The following PRSS23 variants were observed in gnomAD, a reference collection of about 807,000 sequenced individuals.
PRSS23 encodes serine protease 23, also known as protease, serine 23.
PRSS23 carries 25 observed loss-of-function variants against 34.7 expected under a neutral mutation model. That is an observed-to-expected ratio of 0.72 (90% CI 0.53 to 1.01). The LOEUF is 1.01. Among genes scored for constraint, PRSS23 ranks in the 50% least tolerant of loss-of-function variants. The probability of loss-of-function intolerance (pLI) is 0.00; values close to 1 mark genes in which losing one functional copy is unlikely to be tolerated. For missense variants in PRSS23, 445 were observed against 475.6 expected, an observed-to-expected ratio of 0.94 and a Z score of 0.60; for synonymous variants, 176 against 186.6, an observed-to-expected ratio of 0.94 and a Z score of 0.46.
chr11:86,941,774 T>A (rs971630274), intron 2 of PRSS23, among the ~76,000 whole-genome samples: 2 of 152,204 alleles, frequency 1.3e-5, no homozygotes, highest in African/African-American at 4.8e-5. Flanking sequence ...AGAATTTTCT[T>A]GGGGGCTAGT....
intron 2 of PRSS23, among the ~76,000 whole-genome samples, chr11:86,848,949 A>G (rs748779382): frequency 6.6e-6 from 1 of 152,196 alleles, no homozygotes; most frequent in South Asian, 2.1e-4. Flanking sequence ...CTAGAAACAA[A>G]CTGCCCCCTC....
At chr11:86,821,662 T>G in intron 1 of PRSS23, 1 of 1,555,208 alleles carries the variant, frequency 6.4e-7, no homozygotes, top group Non-Finnish European at 8.8e-7. Context: ...AAGAATTTTG[T>G]CAATATTGGA....
At chr11:86,829,372 G>C (rs1948331493) in intron 2 of PRSS23, among the ~76,000 whole-genome samples, 1 of 151,994 alleles carries the variant, frequency 6.6e-6, no homozygotes, top group Non-Finnish European at 1.5e-5. Context: ...TCTCTGTATT[G>C]GTTATTCTAG....
chr11:86,899,906 C>A (rs1486796105), intron 2 of PRSS23, among the ~76,000 whole-genome samples: 1 of 150,382 alleles, frequency 6.6e-6, no homozygotes, highest in African/African-American at 2.4e-5. Context: ...ACATAAGTGA[C>A]AAGTGACACT....
At chr11:86,930,820 A>G (rs1949120126) in intron 2 of PRSS23, among the ~76,000 whole-genome samples, 1 of 143,224 alleles carries the variant, frequency 7.0e-6, no homozygotes, top group African/African-American at 2.5e-5. Flanking sequence ...GGCTGACCAG[A>G]AAAAGGGACC....
chr11:86,879,752 GC>G (rs1341718967), intron 2 of PRSS23, among the ~76,000 whole-genome samples: 1 of 125,688 alleles, frequency 8.0e-6, no homozygotes. Flanking sequence ...CCGGCCAGCC[GC>G]CCCGTCCGGG....
At chr11:86,939,423 T>TTTTTTTTTTTTAAAAAAA (rs1565392807) in intron 2 of PRSS23, among the ~76,000 whole-genome samples, 1 of 100,430 alleles carries the variant, frequency 1.0e-5, no homozygotes, top group Non-Finnish European at 2.2e-5. Flanking sequence ...TATATATATA[T>TTTTTTTTTTTTAAAAAAA]ATATTTTTTA....
In PRSS23 at chr11:86,939,057, G is replaced by A. The variant is rs1395542481; in HGVS notation, c.207-12159G>A. On this transcript the variant is annotated intron_variant, in intron 2 of 2. Transcript: ENST00000533902. The stretch of plus-strand genomic sequence containing the variant: ...TTCATCCATTCTTAAAATTGAGCCA[G>A]TTTAGCCCTAGGAGGTGGGCAGGCT... 1.1e-5 allele frequency: 5 copies of A among 450,784 alleles called. No homozygotes were observed. The Admixed American group carries it at 1.2e-4, about 11-fold the overall frequency. The allele number at this position is 450,784 out of a possible 1,614,324, so 27.9% of individuals were successfully genotyped here. A position where few individuals can be genotyped will look rare whatever the true frequency, so the allele number is the denominator to read the frequency against.
At chr11:86,791,351 G>A (rs1200885366) in intron 1 of PRSS23, among the ~76,000 whole-genome samples, 1 of 152,208 alleles carries the variant, frequency 6.6e-6, no homozygotes, top group Non-Finnish European at 1.5e-5. Context: ...TTATTCTTGT[G>A]GTTTCCCTAA....
intron 2 of PRSS23, among the ~76,000 whole-genome samples, chr11:86,867,851 A>C (rs1018507738): frequency 6.9e-6 from 1 of 144,358 alleles, no homozygotes; most frequent in Non-Finnish European, 1.5e-5. Flanking sequence ...CACTCCAGCC[A>C]GTGACAGAGT....
chr11:86,810,602 G>A lies in PRSS23; in HGVS notation c.*1807G>A, dbSNP rs1948167369. The stretch of plus-strand genomic sequence containing the variant: ...GTTTTGTTTGTTTTTGCTTTAGCTT[G>A]GTGAAAAAAAGTTCACTGAACACCA... On this transcript the variant is annotated 3_prime_UTR_variant, in exon 2 of 2. Transcript: ENST00000280258. 6.0e-6 allele frequency: 1 copy of A among 166,676 alleles called. No individual in the cohort carries two copies. The highest frequency in any genetic ancestry group is 2.4e-5 in the African/African-American group (1 of 41,350). 10.3% of individuals were successfully genotyped at this position (166,676 alleles called of 1,614,324 possible). A position where few individuals can be genotyped will look rare whatever the true frequency, so the allele number is the denominator to read the frequency against.
At position 86,925,295 on chromosome 11, in the gene PRSS23, A is replaced by AGTGTGT. The variant is rs5793226; in HGVS notation, c.207-25890_207-25885dup. Among the ~76,000 whole-genome samples the AGTGTGT allele has an allele frequency of 5.4e-3, 811 of 149,070 alleles. 10 individuals are homozygous for AGTGTGT. Among genetic ancestry groups the AGTGTGT allele is most frequent in the African/African-American group, 0.013 (539 of 40,456 alleles). On this transcript the variant is annotated intron_variant, in intron 2 of 2. Coordinates refer to the PRSS23 transcript ENST00000533902. The stretch of plus-strand genomic sequence containing the variant: ...CATTGAAAATTAACTGTTTAACTGG[A>AGTGTGT]GTGTGTGTGTGTGTGTGTGTGTGTG...
exon 3 of PRSS23, chr11:86,952,037 G>A: frequency 6.2e-7 from 1 of 1,614,080 alleles, no homozygotes; most frequent in Non-Finnish European, 8.5e-7. Flanking sequence ...GATCAGGAAG[G>A]TCAGTACTGT....
At chr11:86,859,081 G>A (rs1430055161) in intron 2 of PRSS23, among the ~76,000 whole-genome samples, 1 of 151,576 alleles carries the variant, frequency 6.6e-6, no homozygotes, top group Non-Finnish European at 1.5e-5. Flanking sequence ...AATGTCACAG[G>A]GACTGTACAT....
intron 2 of PRSS23, among the ~76,000 whole-genome samples, chr11:86,914,016 C>T (rs969351955): frequency 8.1e-6 from 1 of 123,170 alleles, no homozygotes. Flanking sequence ...ACCGGCCTGA[C>T]GAATGTGGTG....
At chr11:86,877,450 C>A (rs890554873) in intron 2 of PRSS23, among the ~76,000 whole-genome samples, 1 of 152,160 alleles carries the variant, frequency 6.6e-6, no homozygotes, top group African/African-American at 2.4e-5. Flanking sequence ...TCATTTTAAA[C>A]AGAATTTTTA....
chr11:86,840,639 C>G (rs868749731), intron 2 of PRSS23, among the ~76,000 whole-genome samples: 2 of 152,318 alleles, frequency 1.3e-5, no homozygotes, highest in Middle Eastern at 6.8e-3. Context: ...CTCTCTACCC[C>G]AAATCAACAG....
intron 2 of PRSS23, among the ~76,000 whole-genome samples, chr11:86,926,560 G>A (rs1286799656): frequency 2.6e-5 from 4 of 152,158 alleles, no homozygotes; most frequent in Admixed American, 6.6e-5. Flanking sequence ...CTTCATAAGA[G>A]AGACAAGGAG....
At chr11:86,847,423 G>A (rs1948495170) in intron 2 of PRSS23, among the ~76,000 whole-genome samples, 1 of 152,142 alleles carries the variant, frequency 6.6e-6, no homozygotes, top group African/African-American at 2.4e-5. Context: ...TGCATGGCAG[G>A]GGCAAGGGAA....
Sources: allele counts gnomAD v4.1 joint callset (sites outside exome capture counted in the v4.1 genomes callset), GRCh38; gene constraint gnomAD v4.1.1; transcripts MANE v1.5; gene names NCBI Gene and HGNC (gene_info 2026-07-23, HGNC 2026-07-21).